Variants in ANKUB1 observed in about 807,000 individuals in gnomAD.
ANKUB1 encodes the protein ankyrin repeat and ubiquitin domain containing 1, also known as protein ANKUB1.
In ANKUB1, 42 loss-of-function variants were observed where a neutral mutation model predicts 49.3. That is an observed-to-expected ratio of 0.85 (90% CI 0.67 to 1.10). The LOEUF is 1.10. ANKUB1 is among the 50% of genes least tolerant of loss of function. The probability of loss-of-function intolerance (pLI) is 0.00; values close to 1 mark genes in which losing one functional copy is unlikely to be tolerated. For missense variants in ANKUB1, 613 were observed against 642.0 expected (o/e 0.95, Z 0.49); for synonymous variants, 222 against 231.0 (o/e 0.96, Z 0.35).
At chr3:149,778,374 G>A (rs924755201) in intron 3 of ANKUB1, 1 of 152,164 alleles carries the variant, frequency 6.6e-6, no homozygotes, top group Middle Eastern at 3.2e-3. Context: ...TGCTGAGCAA[G>A]TCATTTAATC....
At chr3:149,791,367 T>A (rs986124311) in intron 1 of ANKUB1, among the ~76,000 whole-genome samples, 1 of 152,234 alleles carries the variant, frequency 6.6e-6, no homozygotes, top group African/African-American at 2.4e-5. Flanking sequence ...AATTAGGAAG[T>A]CCACATGTCA....
At position 149,767,146 on chromosome 3, in the gene ANKUB1, G is replaced by C. The variant is rs1325575992; in HGVS notation, c.1505+11C>G. ...GCTTTGCTGTTTGTATGTTTAAGGG[G>C]AGAACATTACCTTGCCACAGCTAAG... On this transcript the variant is annotated intron_variant, in intron 5 of 5. Transcript: ENST00000446160. 1.3e-6 allele frequency: 2 copies of C among 1,501,698 alleles called. No individual in the cohort carries two copies. Among genetic ancestry groups the C allele is most frequent in the African/African-American group, 2.8e-5 (2 of 70,846 alleles). 93.0% of individuals were successfully genotyped at this position (1,501,698 alleles called of 1,614,324 possible). A position where few individuals can be genotyped will look rare whatever the true frequency, so the allele number is the denominator to read the frequency against.
intron 2 of ANKUB1, among the ~76,000 whole-genome samples, chr3:149,786,404 C>G (rs914544344): frequency 3.9e-5 from 6 of 152,184 alleles, no homozygotes; most frequent in African/African-American, 7.2e-5. Context: ...TGTTCATGTC[C>G]TTTGCCCACT....
Position 149,767,277 on chromosome 3 carries a change from G to A in ANKUB1, c.1385C>T (p.Pro462Leu). ...PPVSRVGYSH[P>L]SFFYATPSAD... ...ACTGGGTGTTGCATAGAAAAACGAT[G>A]GATGTGAATATCCCACTCTTGAAAC... The change falls in exon 5 of 6, where the codon CCA (proline) becomes CTA (leucine). Residue 462 changes from proline (P) to leucine (L), a missense_variant. By Grantham distance (98) the Pro-to-Leu change is moderately conservative. Transcript: ENST00000446160. 1.3e-6 allele frequency: 2 copies of A among 1,551,658 alleles called. No homozygotes were observed. The highest frequency in any genetic ancestry group is 2.4e-5 in the South Asian group (2 of 84,046).
At chr3:149,780,118 T>C in intron 3 of ANKUB1, 121 bp downstream of exon 3, 1 of 781,594 alleles carries the variant, frequency 1.3e-6, no homozygotes, top group Non-Finnish European at 2.0e-6. Context: ...AATATGTAAA[T>C]AAAGTTAACA....
intron 4 of ANKUB1, among the ~76,000 whole-genome samples, chr3:149,769,282 C>A (rs762059272): frequency 1.3e-5 from 2 of 152,136 alleles, no homozygotes; most frequent in Non-Finnish European, 2.9e-5. Flanking sequence ...ATTAAAATGA[C>A]CGCCTGCCTC....
intron 2 of ANKUB1, among the ~76,000 whole-genome samples, chr3:149,787,997 T>C (rs1718185545): frequency 6.6e-6 from 1 of 152,242 alleles, no homozygotes; most frequent in Non-Finnish European, 1.5e-5. Flanking sequence ...TACCAAAATT[T>C]AGATATGCTA....
At chr3:149,776,304 C>T (rs1717593762) in intron 3 of ANKUB1, among the ~76,000 whole-genome samples, 2 of 152,140 alleles carry the variant, frequency 1.3e-5, no homozygotes, top group African/African-American at 2.4e-5. Context: ...CTTCCGTGTG[C>T]TTGCCTTGAC....
intron 2 of ANKUB1, among the ~76,000 whole-genome samples, chr3:149,789,742 G>A (rs1325101273): frequency 6.7e-6 from 1 of 150,236 alleles, no homozygotes; most frequent in African/African-American, 2.5e-5. Flanking sequence ...TGATTCTCCT[G>A]CCTCAGCCTA....
chr3:149,785,465 G>C (rs1718052757), intron 2 of ANKUB1, among the ~76,000 whole-genome samples: 1 of 151,534 alleles, frequency 6.6e-6, no homozygotes, highest in Non-Finnish European at 1.5e-5. Flanking sequence ...CTGTGTCCAA[G>C]TGTTCTCATT....
chr3:149,788,738 T>TG, intron 2 of ANKUB1, among the ~76,000 whole-genome samples: 2 of 152,076 alleles, frequency 1.3e-5, no homozygotes, highest in African/African-American at 4.8e-5. Flanking sequence ...GGAGGGAAAC[T>TG]GGGGGCCAGA....
chr3:149,788,686 A>G (rs899522712), intron 2 of ANKUB1, among the ~76,000 whole-genome samples: 1 of 152,174 alleles, frequency 6.6e-6, no homozygotes, highest in African/African-American at 2.4e-5. Context: ...GAATTTAGGA[A>G]ATGTTTTTGT....
Position 149,761,584 on chromosome 3 carries a change from T to A in ANKUB1, c.1535A>T (p.Gln512Leu). The A allele has an allele frequency of 3.2e-6, 5 of 1,551,258 alleles. No homozygotes were observed. The highest frequency in any genetic ancestry group is 4.4e-6 in the Non-Finnish European group (5 of 1,146,734). The change falls in exon 6 of 6, where the codon CAG (glutamine) becomes CTG (leucine). Residue 512 changes from glutamine (Q) to leucine (L), a missense_variant. Gln to Leu is a moderately radical substitution (Grantham distance 113). Transcript: ENST00000446160. ...SAFKEKRWLQ[Q>L]LEIARVLAKK... Reference sequence around the variant, plus strand: ...GGCCAGGACTCTTGCTATTTCTAACTGCTGAAGCCATCGTTTCTCTTTAAA... The same window carrying A: ...GGCCAGGACTCTTGCTATTTCTAACAGCTGAAGCCATCGTTTCTCTTTAAA...
chr3:149,792,438 C>A lies in ANKUB1; in HGVS notation c.-72G>T. 8.0e-7 allele frequency: 1 copy of A among 1,245,418 alleles called. No individual in the cohort carries two copies. The highest frequency in any genetic ancestry group is 1.1e-6 in the Non-Finnish European group (1 of 928,748). 77.1% of individuals were successfully genotyped at this position (1,245,418 alleles called of 1,614,324 possible). A position where few individuals can be genotyped will look rare whatever the true frequency, so the allele number is the denominator to read the frequency against. Reference sequence around the variant, plus strand: ...TTCTCCTGGATGGCTAGAAAAATTCCGGTTCACAATTAAGGACAAAAATGA... The same window carrying A: ...TTCTCCTGGATGGCTAGAAAAATTCAGGTTCACAATTAAGGACAAAAATGA... On this transcript the variant is annotated 5_prime_UTR_variant, in exon 1 of 6. Transcript: ENST00000446160.
chr3:149,791,620 G>A (rs576500053), intron 1 of ANKUB1, among the ~76,000 whole-genome samples: 3 of 152,052 alleles, frequency 2.0e-5, no homozygotes, highest in Non-Finnish European at 2.9e-5. Context: ...AGTAAATGCC[G>A]CTTAGCAAAT....
chr3:149,775,007 G>A (rs1717530753), intron 3 of ANKUB1, among the ~76,000 whole-genome samples: 1 of 152,126 alleles, frequency 6.6e-6, no homozygotes, highest in Admixed American at 6.5e-5. Flanking sequence ...TAATTTTCTT[G>A]TCTTAGTTTT....
intron 3 of ANKUB1, 135 bp from the exon 4 acceptor site, chr3:149,770,809 G>A: frequency 4.9e-6 from 3 of 609,016 alleles, no homozygotes; most frequent in Non-Finnish European, 8.6e-6. Context: ...GGAACAAGGA[G>A]ACAGGGATGG....
Position 149,780,078 on chromosome 3 carries a change from C to T in ANKUB1, c.451+161G>A, listed in dbSNP as rs1717787630. On this transcript the variant is annotated intron_variant, in intron 3 of 5. Transcript: ENST00000446160. Reference sequence around the variant, plus strand: ...ATCCTTTTCACTTCTGATATTTAAACTATGTAAATGTGTTAACTGTTTTAA... The same window carrying T: ...ATCCTTTTCACTTCTGATATTTAAATTATGTAAATGTGTTAACTGTTTTAA... 6.0e-6 allele frequency: 4 copies of T among 661,240 alleles called. No individual in the cohort carries two copies. The Admixed American group carries it at 8.7e-5, about 14-fold the overall frequency. 41.0% of individuals were successfully genotyped at this position (661,240 alleles called of 1,614,324 possible). A position where few individuals can be genotyped will look rare whatever the true frequency, so the allele number is the denominator to read the frequency against.
intron 3 of ANKUB1, among the ~76,000 whole-genome samples, chr3:149,773,510 T>G (rs1256957971): frequency 6.6e-6 from 1 of 152,236 alleles, no homozygotes; most frequent in Non-Finnish European, 1.5e-5. Flanking sequence ...CCTGCAGCTA[T>G]TCTGTAGAAA....
Sources: gnomAD v4.1 joint callset for allele counts (sites outside exome capture counted in the v4.1 genomes callset) on GRCh38, gnomAD v4.1.1 for gene constraint, MANE v1.5 for transcripts, NCBI Gene and HGNC (gene_info 2026-07-23, HGNC 2026-07-21) for gene names.